Variants in FREM2 observed in about 807,000 individuals in gnomAD.
FREM2 encodes the protein FRAS1 related extracellular matrix 2.
A neutral mutation model predicts 219.9 loss-of-function variants in FREM2; 119 were observed. That is an observed-to-expected ratio of 0.54 (90% CI 0.47 to 0.63). The LOEUF (loss-of-function observed/expected upper bound fraction) is 0.63, where lower values mean the gene tolerates loss of function less well. FREM2 is among the 30% of genes least tolerant of loss of function. FREM2 has a pLI of 0.00. For missense variants in FREM2, 4,030 were observed against 3,993.6 expected (o/e 1.01, Z -0.25); for synonymous variants, 1,562 against 1,522.8 (o/e 1.03, Z -0.60).
Position 38,878,322 on chromosome 13 carries a change from G to A in FREM2, c.8859+1G>A. On this transcript the variant is annotated splice_donor_variant, in intron 22 of 23. Coordinates refer to ENST00000280481, the MANE Select transcript of FREM2 (RefSeq NM_207361.6). LOFTEE classifies it high-confidence loss of function. ...ACTCTTATATAGATTTAAAATTGTG[G>A]TAAGTGCTTTGACCCAAAAAATGAG... 6.2e-7 allele frequency: 1 copy of A among 1,611,978 alleles called. No homozygotes were observed. The highest frequency in any genetic ancestry group is 1.1e-5 in the South Asian group (1 of 91,014).
chr13:38,742,643 G>A (rs1373642968), intron 2 of FREM2, among the ~76,000 whole-genome samples: 1 of 152,128 alleles, frequency 6.6e-6, no homozygotes, highest in Non-Finnish European at 1.5e-5. Context: ...GAGGAATTAT[G>A]CCATTTTATC....
chr13:38,781,112 C>T lies in FREM2; in HGVS notation c.5642-1958C>T, dbSNP rs148271748. On this transcript the variant is annotated intron_variant, in intron 4 of 23. Transcript: ENST00000280481. ...GCTCATGTGACCTGCCCACCACCCA[C>T]CCCTTCACCACCTCTCTAGCCCTCA... Among the ~76,000 whole-genome samples the T allele has an allele frequency of 4.1e-3, 622 of 152,188 alleles. 7 individuals carry two copies. The highest frequency in any genetic ancestry group is 0.034 in the East Asian group (176 of 5,174).
intron 2 of FREM2, among the ~76,000 whole-genome samples, chr13:38,759,536 C>A (rs1873149173): frequency 6.6e-6 from 1 of 151,466 alleles, no homozygotes; most frequent in Non-Finnish European, 1.5e-5. Flanking sequence ...GAGGTCTTTT[C>A]ATCAAAACCT....
chr13:38,859,325 C>T lies in FREM2; in HGVS notation c.7254C>T (p.Gly2418=). Residue 2418 remains glycine (G), a synonymous_variant, in exon 14 of 24, where the codon GGC becomes GGT. Coordinates refer to ENST00000280481, the MANE Select transcript of FREM2 (RefSeq NM_207361.6). ...AATATTCAGACTACGATAAAACAGG[C>T]TCTATCTGTGCAAGTGAGAACATCA... ...NPKYSDYDKT[G]SICASENIND... is the part of the protein sequence containing the mutation. 6.2e-7 allele frequency: 1 copy of T among 1,614,196 alleles called. No individual in the cohort carries two copies. Among genetic ancestry groups the T allele is most frequent in the Non-Finnish European group, 8.5e-7 (1 of 1,180,036 alleles).
chr13:38,798,694 G>C (rs1476756800), intron 6 of FREM2, among the ~76,000 whole-genome samples: 1 of 151,880 alleles, frequency 6.6e-6, no homozygotes, highest in Non-Finnish European at 1.5e-5. Flanking sequence ...TTTAATCCTG[G>C]TAGGTTGTAT....
chr13:38,782,935 TC>T lies in FREM2; in HGVS notation c.5642-133del. The T allele has an allele frequency of 2.8e-6, 3 of 1,073,046 alleles. No homozygotes were observed. In the South Asian group the frequency reaches 3.8e-5, roughly 14 times the overall value. 66.5% of individuals were successfully genotyped at this position (1,073,046 alleles called of 1,614,324 possible). On this transcript the variant is annotated intron_variant, in intron 4 of 23. Transcript: ENST00000280481. ...TCTTTTCCCCTCTCCTTCCTCCTTT[TC>T]CTCCCACTATGTTATTCTAAAGAAT...
chr13:38,695,720 A>G (rs1870082152), intron 1 of FREM2, among the ~76,000 whole-genome samples: 1 of 152,206 alleles, frequency 6.6e-6, no homozygotes, highest in Admixed American at 6.5e-5. Flanking sequence ...AGGTTATACA[A>G]TTAAGAATTA....
chr13:38,783,280 C>T, intron 5 of FREM2, 85 bp downstream of exon 5: 1 of 1,352,512 alleles, frequency 7.4e-7, no homozygotes, highest in Middle Eastern at 1.9e-4. Flanking sequence ...AACATTTTAC[C>T]ATGAGGGGTA....
chr13:38,739,270 G>C (rs1004153174), intron 2 of FREM2, among the ~76,000 whole-genome samples: 9 of 152,192 alleles, frequency 5.9e-5, no homozygotes. Context: ...AGGAAGACAA[G>C]CGCCTGAAAC....
chr13:38,755,923 G>A (rs1872978725), intron 2 of FREM2, among the ~76,000 whole-genome samples: 1 of 152,160 alleles, frequency 6.6e-6, no homozygotes. Flanking sequence ...TAACCATGCG[G>A]GAGCCAGTAC....
chr13:38,886,981 G>T lies in FREM2; in HGVS notation c.*6194G>T, dbSNP rs1434502444. 1 of 152,050 alleles carries T rather than the reference G, an allele frequency of 6.6e-6. No homozygotes were observed. The highest frequency in any genetic ancestry group is 6.5e-5 in the Admixed American group (1 of 15,270). The allele number at this position is 152,050 out of a possible 1,614,324, so 9.4% of individuals were successfully genotyped here. On this transcript the variant is annotated 3_prime_UTR_variant, in exon 24 of 24. Transcript: ENST00000280481. The stretch of plus-strand genomic sequence containing the variant: ...TTGGTGGATATTGACGTTTATTCCT[G>T]GGAATCTAATTTTGCAAACAATTTG...
In FREM2 at chr13:38,784,601, G is replaced by T. The variant is rs971979585; in HGVS notation, c.5812G>T (p.Asp1938Tyr). 1.2e-6 allele frequency: 2 copies of T among 1,614,064 alleles called. No individual in the cohort carries two copies. The highest frequency in any genetic ancestry group is 2.7e-5 in the African/African-American group (2 of 74,932). ...GCCGACTTCCGTGTTGTCTTACTCT[G>T]ATTACATATCCAGGCCTGAGGACCA... ...TVPTSVLSYS[D>Y]YISRPEDHTS... Residue 1938 changes from aspartate (D) to tyrosine (Y), a missense_variant, in exon 6 of 24, where the codon GAT becomes TAT. Asp to Tyr is a radical substitution (Grantham distance 160). Around this residue, in one of 2 missense-constraint regions of FREM2, gnomAD observed 3,102 missense variants for 2,950.7 expected, o/e 1.05. Transcript: ENST00000280481.
At chr13:38,840,264 C>T (rs1403625401) in intron 6 of FREM2, among the ~76,000 whole-genome samples, 1 of 151,952 alleles carries the variant, frequency 6.6e-6, no homozygotes, top group Non-Finnish European at 1.5e-5. Context: ...CCTGCTTCTG[C>T]TTGCTCTCCA....
intron 6 of FREM2, among the ~76,000 whole-genome samples, chr13:38,813,563 C>CTATATATATATATATATATATATA (rs71074484): frequency 3.9e-4 from 2 of 5,098 alleles, no homozygotes; most frequent in Non-Finnish European, 1.2e-3. Flanking sequence ...CTCTCTCTCT[C>CTATATATATATATATATATATATA]TATATATATA....
At position 38,687,993 on chromosome 13, in the gene FREM2, C is replaced by G. The variant is rs199674984; in HGVS notation, c.649C>G (p.Arg217Gly). 6.8e-6 allele frequency: 11 copies of G among 1,612,466 alleles called. No homozygotes were observed. In the East Asian group the frequency reaches 2.5e-4, roughly 36 times the overall value. ...CTTCCAGCCCGAGACAGAGGAGTGCCGCGTGGGCATCCTGTCCGGCTTGGG... is the reference window on the plus strand; with the variant it reads ...CTTCCAGCCCGAGACAGAGGAGTGCGGCGTGGGCATCCTGTCCGGCTTGGG... ...FAFQPETEECRVGILSGLGAL... is the reference protein window; with the variant it reads ...FAFQPETEECGVGILSGLGAL... The change falls in exon 1 of 24, where the codon CGC (arginine) becomes GGC (glycine). Residue 217 changes from arginine to glycine, a missense_variant. Transcript: ENST00000280481.
At chr13:38,754,090 G>A (rs1035691393) in intron 2 of FREM2, among the ~76,000 whole-genome samples, 1 of 151,980 alleles carries the variant, frequency 6.6e-6, no homozygotes, top group African/African-American at 2.4e-5. Flanking sequence ...CCTGGCTGTG[G>A]CCTGATGATG....
chr13:38,795,844 A>G (rs1230170735), intron 6 of FREM2, among the ~76,000 whole-genome samples: 1 of 152,166 alleles, frequency 6.6e-6, no homozygotes, highest in Non-Finnish European at 1.5e-5. Context: ...AATATGCAGT[A>G]TCTGTCTTTC....
intron 2 of FREM2, among the ~76,000 whole-genome samples, chr13:38,749,621 G>A (rs563143118): frequency 2.0e-5 from 3 of 151,998 alleles, no homozygotes; most frequent in East Asian, 3.9e-4. Flanking sequence ...TGTGCCTTGT[G>A]GGATCTGTAG....
At position 38,697,378 on chromosome 13, in the gene FREM2, C is replaced by T. The variant is rs1030389357; in HGVS notation, c.5174-320C>T. On this transcript the variant is annotated intron_variant, in intron 1 of 23. Coordinates refer to ENST00000280481, the MANE Select transcript of FREM2 (RefSeq NM_207361.6). ...TCAAAATATCTTCCTTTCCACCTGT[C>T]ATGGTGCCTGACATTCCATATTTAG... Among the ~76,000 whole-genome samples the T allele has an allele frequency of 9.9e-5, 15 of 152,284 alleles. 1 individual carries two copies. The highest frequency in any genetic ancestry group is 6.8e-3 in the Middle Eastern group (2 of 294).
Sources: gnomAD v4.1 joint callset for allele counts (sites outside exome capture counted in the v4.1 genomes callset) on GRCh38, gnomAD v4.1.1 for gene constraint, gnomAD v4.1.1 regional missense constraint, MANE v1.5 for transcripts, NCBI Gene and HGNC (gene_info 2026-07-23, HGNC 2026-07-21) for gene names.